XRRA1: variants seen among roughly 807,000 people sequenced by gnomAD.
The protein encoded by XRRA1 is X-ray radiation resistance-associated protein 1.
Under a neutral mutation model 80.2 loss-of-function variants are expected in XRRA1, and 69 were observed. The observed-to-expected ratio is 0.86, with a 90% confidence interval of 0.71 to 1.05. XRRA1 has a LOEUF of 1.05. Ranked by LOEUF, XRRA1 falls within the 50% of genes least tolerant of loss-of-function variation. XRRA1 has a pLI of 0.00. For missense variants in XRRA1, 967 were observed against 976.4 expected (o/e 0.99, Z 0.13); for synonymous variants, 348 against 389.9 (o/e 0.89, Z 1.27).
intron 10 of XRRA1, among the ~76,000 whole-genome samples, chr11:74,875,565 CT>C (rs1207081015): frequency 6.6e-6 from 1 of 152,128 alleles, no homozygotes; most frequent in Non-Finnish European, 1.5e-5. Flanking sequence ...CTTGTTAGTG[CT>C]TGTGAAGTCT....
chr11:74,936,790 T>G, intron 4 of XRRA1, 94 bp downstream of exon 4: 1 of 1,409,804 alleles, frequency 7.1e-7, no homozygotes, highest in South Asian at 1.4e-5. Flanking sequence ...TGGAGTAGAT[T>G]GGGGGTAGTT....
intron 10 of XRRA1, among the ~76,000 whole-genome samples, chr11:74,892,218 T>C (rs2050939708): frequency 6.6e-6 from 1 of 151,914 alleles, no homozygotes; most frequent in Admixed American, 6.6e-5. Flanking sequence ...TATAGACCAA[T>C]GGAACAGAAC....
At chr11:74,849,379 C>T (rs139427861) in intron 14 of XRRA1, among the ~76,000 whole-genome samples, 49 of 152,172 alleles carry the variant, frequency 3.2e-4, no homozygotes, top group African/African-American at 1.2e-3. Context: ...CTAAGGAGGG[C>T]GAAGGATGAC....
At chr11:74,878,339 G>C (rs917655972) in intron 10 of XRRA1, among the ~76,000 whole-genome samples, 5 of 151,740 alleles carry the variant, frequency 3.3e-5, no homozygotes, top group African/African-American at 1.2e-4. Context: ...ATTTGTTTGA[G>C]TTCATTGTAG....
chr11:74,874,231 CT>C (rs1378335950), intron 10 of XRRA1, among the ~76,000 whole-genome samples: 5 of 37,046 alleles, frequency 1.3e-4, no homozygotes, highest in Non-Finnish European at 1.4e-4. Context: ...AAGACTCCGT[CT>C]CAAAAAAAAA....
chr11:74,893,849 G>GAACTT (rs1453139842), intron 10 of XRRA1, among the ~76,000 whole-genome samples: 1 of 152,152 alleles, frequency 6.6e-6, no homozygotes, highest in Non-Finnish European at 1.5e-5. Context: ...ACTTCTGAAA[G>GAACTT]AACTTAAAAA....
At chr11:74,890,071 T>G (rs2050231040) in intron 10 of XRRA1, among the ~76,000 whole-genome samples, 1 of 152,052 alleles carries the variant, frequency 6.6e-6, no homozygotes, top group African/African-American at 2.4e-5. Flanking sequence ...TCTACAGAAC[T>G]CTCCACCCCA....
chr11:74,895,404 C>G (rs1319105485), intron 10 of XRRA1, among the ~76,000 whole-genome samples: 1 of 152,244 alleles, frequency 6.6e-6, no homozygotes, highest in Non-Finnish European at 1.5e-5. Flanking sequence ...AATCACCCAT[C>G]TCAGCTGTTG....
intron 8 of XRRA1, among the ~76,000 whole-genome samples, chr11:74,910,172 T>G (rs1190533264): frequency 6.6e-6 from 1 of 152,202 alleles, no homozygotes; most frequent in African/African-American, 2.4e-5. Context: ...TGTGTTAAGA[T>G]ACAGAACACC....
At chr11:74,919,532 G>T in intron 8 of XRRA1, 1 of 354,708 alleles carries the variant, frequency 2.8e-6, no homozygotes, top group South Asian at 2.7e-5. Flanking sequence ...TCTGTCTACA[G>T]CCTGACTGGC....
chr11:74,921,057 C>T (rs1256096554), intron 8 of XRRA1, among the ~76,000 whole-genome samples, 157 bp downstream of exon 8: 3 of 152,096 alleles, frequency 2.0e-5, no homozygotes, highest in African/African-American at 7.2e-5. Flanking sequence ...AAATTGGGGG[C>T]GTGTGTCTGA....
At chr11:74,867,732 T>C (rs932746953) in intron 10 of XRRA1, among the ~76,000 whole-genome samples, 1 of 152,050 alleles carries the variant, frequency 6.6e-6, no homozygotes, top group African/African-American at 2.4e-5. Context: ...AGAACCCCTG[T>C]GAAATACTAC....
At position 74,842,755 on chromosome 11, in the gene XRRA1, G is replaced by A. The variant is rs2036759807; in HGVS notation, c.*445C>T. On this transcript the variant is annotated 3_prime_UTR_variant, in exon 19 of 19. Transcript: ENST00000684022. ...AGGATGACACTGTCCCTGCACATTA[G>A]GGCTGTACTCACAAGATCTGGTTTT... The A allele has an allele frequency of 5.6e-6, 1 of 177,668 alleles. No individual in the cohort carries two copies. The highest frequency in any genetic ancestry group is 2.4e-5 in the African/African-American group (1 of 42,296). The allele number at this position is 177,668 out of a possible 1,614,324, so 11.0% of individuals were successfully genotyped here.
chr11:74,919,706 G>A (rs1007400022), intron 8 of XRRA1: 6 of 512,706 alleles, frequency 1.2e-5, no homozygotes, highest in Admixed American at 2.4e-5. Context: ...GCTTCAAGAA[G>A]CATGCCCCTT....
At chr11:74,861,800 T>C (rs1335535947) in intron 11 of XRRA1, among the ~76,000 whole-genome samples, 1 of 152,104 alleles carries the variant, frequency 6.6e-6, no homozygotes, top group Non-Finnish European at 1.5e-5. Flanking sequence ...TTCTAGAAAA[T>C]TACTGAACCT....
At chr11:74,857,644 A>C (rs1260057361) in intron 12 of XRRA1, among the ~76,000 whole-genome samples, 1 of 152,236 alleles carries the variant, frequency 6.6e-6, no homozygotes, top group Non-Finnish European at 1.5e-5. Flanking sequence ...CTTTCCCCCA[A>C]AACTGCAGAA....
At chr11:74,940,937 G>T in intron 2 of XRRA1, 55 bp from the exon 3 acceptor site, 1 of 1,341,538 alleles carries the variant, frequency 7.5e-7, no homozygotes, top group Non-Finnish European at 1.0e-6. Flanking sequence ...GCACAGCAGA[G>T]CACTCTTACT....
chr11:74,905,655 T>C (rs533837458), intron 10 of XRRA1, among the ~76,000 whole-genome samples: 108 of 152,346 alleles, frequency 7.1e-4, no homozygotes, highest in Middle Eastern at 6.8e-3. Flanking sequence ...TCCCCAGCAG[T>C]AGCTGAATCT....
rs546641015 is a variant in XRRA1 at position 74,888,828 on chromosome 11, A to G, written c.1003+17411T>C. Among the ~76,000 whole-genome samples, 3 of 152,338 alleles carry G rather than the reference A, an allele frequency of 2.0e-5. No homozygotes were observed. The East Asian group carries it at 5.8e-4, about 29-fold the overall frequency. On this transcript the variant is annotated intron_variant, in intron 10 of 18. Transcript: ENST00000684022. ...GTATCAGTGATGGAAGATCAAATGA[A>G]TGAAATGAAGCGAGAAGAGAAACTG... is the stretch of plus-strand genomic sequence containing the variant.
Sources: allele counts gnomAD v4.1 joint callset (sites outside exome capture counted in the v4.1 genomes callset), GRCh38; gene constraint gnomAD v4.1.1; transcripts MANE v1.5; gene names NCBI Gene and HGNC (gene_info 2026-07-23, HGNC 2026-07-21).